Variants in CEP162 observed in about 807,000 individuals in gnomAD.
CEP162 encodes centrosomal protein 162.
In CEP162, 141 loss-of-function variants were observed where a neutral mutation model predicts 169.2. The ratio of observed to expected loss-of-function variants is 0.83; its 90% confidence interval spans 0.73 to 0.96. The LOEUF (loss-of-function observed/expected upper bound fraction) is 0.96. Ranked by LOEUF, CEP162 falls within the 40% of genes least tolerant of loss-of-function variation. CEP162 has a pLI of 0.00. For synonymous variants in CEP162, 540 were observed against 526.4 expected, an observed-to-expected ratio of 1.03 and a Z score of -0.35; for missense variants, 1,600 against 1,587.2, an observed-to-expected ratio of 1.01 and a Z score of -0.14.
At chr6:84,189,865 T>C (rs1029463902) in intron 11 of CEP162, among the ~76,000 whole-genome samples, 1 of 152,236 alleles carries the variant, frequency 6.6e-6, no homozygotes, top group Admixed American at 6.5e-5. Flanking sequence ...AGTCTTTATA[T>C]CTAGCTCAGG....
intron 18 of CEP162, among the ~76,000 whole-genome samples, chr6:84,166,985 C>CT (rs1165018102): frequency 1.3e-5 from 2 of 152,046 alleles, no homozygotes; most frequent in African/African-American, 4.8e-5. Context: ...AAACTAACAC[C>CT]TTTATTTTTT....
At chr6:84,153,318 T>C in intron 22 of CEP162, 139 bp from the exon 23 acceptor site, 1 of 701,676 alleles carries the variant, frequency 1.4e-6, no homozygotes, top group South Asian at 2.6e-5. Context: ...TTCTGTTTCT[T>C]GAGTGAGTCA....
At chr6:84,178,011 A>G (rs1201626476) in intron 13 of CEP162, among the ~76,000 whole-genome samples, 1 of 152,236 alleles carries the variant, frequency 6.6e-6, no homozygotes, top group African/African-American at 2.4e-5. Context: ...CAAATAAGGG[A>G]GCATTATTTT....
At chr6:84,186,814 ATTTCGG>A (rs2099537378) in intron 11 of CEP162, among the ~76,000 whole-genome samples, 191 bp from the exon 12 acceptor site, 2 of 152,174 alleles carry the variant, frequency 1.3e-5, no homozygotes, top group African/African-American at 4.8e-5. Flanking sequence ...ATTGCTTTTA[ATTTCGG>A]ATAATAATTT....
At chr6:84,226,501 T>C (rs1588907759) in intron 1 of CEP162, 49 bp from the exon 2 acceptor site, 3 of 809,576 alleles carry the variant, frequency 3.7e-6, no homozygotes, top group Admixed American at 2.3e-5. Context: ...CATCAGATCA[T>C]GAACACGACC....
Position 84,212,834 on chromosome 6 carries a change from C to A in CEP162, c.571+123G>T, listed in dbSNP as rs370629677. 82 of 628,328 alleles carry A rather than the reference C, an allele frequency of 1.3e-4. No homozygotes were observed. The Middle Eastern group carries it at 2.7e-3, about 20-fold the overall frequency. The allele number at this position is 628,328 out of a possible 1,614,324, so 38.9% of individuals were successfully genotyped here. A position where few individuals can be genotyped will look rare whatever the true frequency, so the allele number is the denominator to read the frequency against. On this transcript the variant is annotated intron_variant, in intron 6 of 26. Transcript: ENST00000403245. ...CAGCTCAGTTTATAACACAGGCAAA[C>A]CCACTCTATTCAAAGCTCTGAGACA...
intron 25 of CEP162, among the ~76,000 whole-genome samples, chr6:84,132,988 G>T (rs1028138179): frequency 1.3e-5 from 2 of 152,074 alleles, no homozygotes; most frequent in African/African-American, 4.8e-5. Flanking sequence ...CATCTTTGTG[G>T]TTTTATCTAC....
intron 16 of CEP162, among the ~76,000 whole-genome samples, chr6:84,173,350 C>A (rs566687433): frequency 7.2e-5 from 11 of 152,164 alleles, no homozygotes; most frequent in Middle Eastern, 3.4e-3. Context: ...AATGTAAAGT[C>A]AAAAAATAGT....
chr6:84,183,809 T>G (rs1448423479), intron 13 of CEP162, among the ~76,000 whole-genome samples: 1 of 152,198 alleles, frequency 6.6e-6, no homozygotes, highest in Admixed American at 6.5e-5. Flanking sequence ...ACAACTTAAT[T>G]GTTATTTAAG....
At position 84,174,205 on chromosome 6, in the gene CEP162, A is replaced by C. The variant is rs1194253122; in HGVS notation, c.2026-17T>G. ...GCTGCTTAACTTGGAGAAATTGCAG[A>C]AATTGTTTTATTTGGGGAAGGAAAT... On this transcript the variant is annotated splice_polypyrimidine_tract_variant and intron_variant, in intron 15 of 26. Transcript: ENST00000403245. 1 of 1,588,952 alleles carries C rather than the reference A, an allele frequency of 6.3e-7. No homozygotes were observed. Among genetic ancestry groups the C allele is most frequent in the Admixed American group, 1.8e-5 (1 of 55,450 alleles).
rs1308034360 is a variant in CEP162 at position 84,124,850 on chromosome 6, A to G, written c.*220T>C. The stretch of plus-strand genomic sequence containing the variant: ...CTGCTATAAAGGAAACTGTCCATAA[A>G]TCACTTAAAATGAGACTGGTTAATG... On this transcript the variant is annotated 3_prime_UTR_variant, in exon 27 of 27. Coordinates refer to ENST00000403245, the MANE Select transcript of CEP162 (RefSeq NM_014895.4). The G allele has an allele frequency of 7.3e-6, 4 of 544,832 alleles. No individual in the cohort carries two copies. The highest frequency in any genetic ancestry group is 2.0e-5 in the African/African-American group (1 of 50,868). 33.7% of individuals were successfully genotyped at this position (544,832 alleles called of 1,614,324 possible).
At chr6:84,154,693 C>A (rs1027396242) in intron 22 of CEP162, among the ~76,000 whole-genome samples, 4 of 152,130 alleles carry the variant, frequency 2.6e-5, no homozygotes, top group Non-Finnish European at 5.9e-5. Flanking sequence ...AGCATGAATT[C>A]CTGACAGACA....
At chr6:84,218,516 T>C (rs1352789731) in intron 3 of CEP162, among the ~76,000 whole-genome samples, 1 of 152,252 alleles carries the variant, frequency 6.6e-6, no homozygotes, top group Non-Finnish European at 1.5e-5. Context: ...TAAATAATTA[T>C]GAGTAATGTT....
chr6:84,163,306 T>C, intron 18 of CEP162, 36 bp from the exon 19 acceptor site: 4 of 1,474,694 alleles, frequency 2.7e-6, no homozygotes, highest in Non-Finnish European at 3.8e-6. Flanking sequence ...GCAAGTTTTT[T>C]ACAACCACAA....
chr6:84,184,695 T>C (rs909798339), intron 13 of CEP162, among the ~76,000 whole-genome samples: 5 of 152,026 alleles, frequency 3.3e-5, no homozygotes, highest in African/African-American at 1.2e-4. Flanking sequence ...CTTGGCTTGC[T>C]CCTTTCCTTC....
intron 25 of CEP162, among the ~76,000 whole-genome samples, chr6:84,127,773 TG>T (rs1166938566): frequency 6.6e-6 from 1 of 152,076 alleles, no homozygotes; most frequent in African/African-American, 2.4e-5. Context: ...GTTTTCTGAA[TG>T]AAACAGTCAA....
chr6:84,130,479 T>C (rs990860738), intron 25 of CEP162, among the ~76,000 whole-genome samples: 3 of 152,180 alleles, frequency 2.0e-5, no homozygotes, highest in Admixed American at 1.3e-4. Context: ...TGTGCACCCA[T>C]CCAGTCCTGG....
In CEP162 at chr6:84,200,861, C is replaced by T; in HGVS notation, c.763G>A (p.Asp255Asn). 1 of 1,611,980 alleles carries T rather than the reference C, an allele frequency of 6.2e-7. No homozygotes were observed. The stretch of plus-strand genomic sequence containing the variant: ...TTAGGTGTTATTTTATCTTGTTCAT[C>T]AAGATTGACCTCTGCAACAGAGTCT... ...SLDSVAEVNLDEQDKITPKPR... is the reference protein window; with the variant it reads ...SLDSVAEVNLNEQDKITPKPR... Residue 255 changes from aspartate to asparagine, a missense_variant, in exon 9 of 27, where the codon GAT (aspartate) becomes AAT (asparagine). Coordinates refer to ENST00000403245, the MANE Select transcript of CEP162 (RefSeq NM_014895.4).
intron 25 of CEP162, among the ~76,000 whole-genome samples, chr6:84,138,182 C>T (rs538202578): frequency 4.6e-5 from 7 of 152,268 alleles, no homozygotes; most frequent in South Asian, 2.1e-4. Context: ...TGTACTTTCA[C>T]TTGTGGTCAT....
Sources: allele counts gnomAD v4.1 joint callset (sites outside exome capture counted in the v4.1 genomes callset), GRCh38; gene constraint gnomAD v4.1.1; transcripts MANE v1.5; gene names NCBI Gene and HGNC (gene_info 2026-07-23, HGNC 2026-07-21).